Variants in CCDC146 observed in about 807,000 individuals in gnomAD.
CCDC146 encodes coiled-coil domain containing 146.
Under a neutral mutation model 119.3 loss-of-function variants are expected in CCDC146, and 92 were observed. The observed-to-expected ratio is 0.77, with a 90% CI of 0.65 to 0.92. CCDC146 has a LOEUF of 0.92. Ranked by LOEUF, CCDC146 falls within the 40% of genes least tolerant of loss-of-function variation. The pLI, the probability that CCDC146 is intolerant of heterozygous loss-of-function variation, is 0.00. For missense variants in CCDC146, 1,000 were observed against 1,103.0 expected, an observed-to-expected ratio of 0.91 and a Z score of 1.32; for synonymous variants, 372 against 371.8, an observed-to-expected ratio of 1.00 and a Z score of -0.01.
chr7:77,198,271 C>T (rs1791913710), intron 2 of CCDC146: 1 of 985,400 alleles, frequency 1.0e-6, no homozygotes, highest in African/African-American at 1.7e-5. Flanking sequence ...GATACTGTCT[C>T]TAAATGAAAG....
intron 17 of CCDC146, among the ~76,000 whole-genome samples, chr7:77,289,881 C>G (rs999353970): frequency 3.9e-5 from 6 of 152,224 alleles, no homozygotes; most frequent in African/African-American, 1.4e-4. Flanking sequence ...TGGTTGCCAT[C>G]CCATTACTGG....
intron 18 of CCDC146, 146 bp downstream of exon 18, chr7:77,293,346 T>G (rs1793985298): frequency 1.1e-6 from 1 of 902,262 alleles, no homozygotes; most frequent in Non-Finnish European, 1.7e-6. Flanking sequence ...ATTTAAGATA[T>G]TCTATGATAA....
intron 2 of CCDC146, among the ~76,000 whole-genome samples, chr7:77,212,620 C>CAAAA (rs11449217): frequency 6.2e-5 from 5 of 80,956 alleles, no homozygotes; most frequent in Non-Finnish European, 1.2e-4. Flanking sequence ...GACTCCGTCT[C>CAAAA]AAAAAAAAAA....
At chr7:77,294,463 GGTGTGTGTGTGTGTGTGTGTGTGT>G (rs61323999) in intron 18 of CCDC146, among the ~76,000 whole-genome samples, 176 bp from the exon 19 acceptor site, 32 of 134,312 alleles carry the variant, frequency 2.4e-4, no homozygotes, top group Admixed American at 1.7e-3. Context: ...ATGAGAGGTA[GGTGTGTGTGTGTGTGTGTGTGTGT>G]GTGTGTGTGT....
At chr7:77,258,788 C>T (rs1358476316) in intron 6 of CCDC146, among the ~76,000 whole-genome samples, 1 of 152,218 alleles carries the variant, frequency 6.6e-6, no homozygotes, top group African/African-American at 2.4e-5. Flanking sequence ...GTATTTGCTA[C>T]ACTCAGTTAC....
chr7:77,127,917 C>A (rs1790711887), intron 1 of CCDC146, among the ~76,000 whole-genome samples: 1 of 152,066 alleles, frequency 6.6e-6, no homozygotes, highest in African/African-American at 2.4e-5. Context: ...CCTTCCCAAT[C>A]TTTGCTAATC....
At chr7:77,251,303 T>G (rs949675090) in intron 4 of CCDC146, among the ~76,000 whole-genome samples, 3 of 152,190 alleles carry the variant, frequency 2.0e-5, no homozygotes, top group Non-Finnish European at 2.9e-5. Flanking sequence ...ATTACAGGCA[T>G]GAACCACCAT....
chr7:77,290,645 C>A (rs1793927400), intron 17 of CCDC146, among the ~76,000 whole-genome samples: 1 of 152,114 alleles, frequency 6.6e-6, no homozygotes. Flanking sequence ...GCCTAGAAGT[C>A]AAATAAAAAT....
At chr7:77,212,848 C>G (rs1291101311) in intron 2 of CCDC146, among the ~76,000 whole-genome samples, 1 of 151,664 alleles carries the variant, frequency 6.6e-6, no homozygotes, top group African/African-American at 2.4e-5. Flanking sequence ...GCCATTTGTC[C>G]CATAAATTTT....
At chr7:77,243,541 A>T (rs895976478) in intron 4 of CCDC146, among the ~76,000 whole-genome samples, 1 of 152,220 alleles carries the variant, frequency 6.6e-6, no homozygotes, top group Non-Finnish European at 1.5e-5. Flanking sequence ...TGCACCACAT[A>T]ATGGTGTTTC....
chr7:77,148,582 A>G (rs1212360336), intron 1 of CCDC146, among the ~76,000 whole-genome samples: 1 of 151,938 alleles, frequency 6.6e-6, no homozygotes, highest in African/African-American at 2.4e-5. Flanking sequence ...AGAAAACCCC[A>G]TCATCTCAGC....
intron 1 of CCDC146, among the ~76,000 whole-genome samples, chr7:77,157,094 T>G (rs1270393831): frequency 1.9e-5 from 2 of 107,796 alleles, no homozygotes; most frequent in Non-Finnish European, 3.6e-5. Context: ...TCTGAGTTCC[T>G]GTAGAAACAT....
chr7:77,189,631 A>G (rs1791728469), intron 2 of CCDC146, among the ~76,000 whole-genome samples: 1 of 151,922 alleles, frequency 6.6e-6, no homozygotes, highest in Non-Finnish European at 1.5e-5. Flanking sequence ...TACCACTCCT[A>G]TCCCTTGTTC....
At position 77,158,424 on chromosome 7, in the gene CCDC146, T is replaced by C. The variant is rs1409793612; in HGVS notation, c.-11-9234T>C. ...GAATATACTTTATTCTATTATTTTA[T>C]TTACAGCTGTCAATCATATTGCCTG... is the stretch of plus-strand genomic sequence containing the variant. On this transcript the variant is annotated intron_variant, in intron 1 of 18. Transcript: ENST00000285871. Among the ~76,000 whole-genome samples the C allele has an allele frequency of 3.9e-5, 6 of 152,146 alleles. No individual in the cohort carries two copies. In the South Asian group the frequency reaches 8.3e-4, roughly 21 times the overall value.
intron 17 of CCDC146, among the ~76,000 whole-genome samples, chr7:77,287,972 A>G (rs1009725228): frequency 6.6e-6 from 1 of 152,220 alleles, no homozygotes; most frequent in Admixed American, 6.5e-5. Context: ...GAACCCAGAA[A>G]TTGAAAGGGA....
intron 1 of CCDC146, among the ~76,000 whole-genome samples, chr7:77,162,447 A>G (rs545623415): frequency 2.6e-5 from 4 of 152,286 alleles, no homozygotes; most frequent in Admixed American, 1.3e-4. Context: ...ACTTGACTGT[A>G]TATGCATTGG....
At chr7:77,216,202 C>G (rs1429065431) in intron 2 of CCDC146, among the ~76,000 whole-genome samples, 1 of 151,950 alleles carries the variant, frequency 6.6e-6, no homozygotes, top group Non-Finnish European at 1.5e-5. Context: ...TGACCATTAT[C>G]TCTTAGTTTT....
At chr7:77,263,460 G>A (rs1189870269) in intron 9 of CCDC146, among the ~76,000 whole-genome samples, 1 of 152,168 alleles carries the variant, frequency 6.6e-6, no homozygotes, top group Non-Finnish European at 1.5e-5. Context: ...TTGGTAGTTC[G>A]AAGCCATGAT....
chr7:77,255,904 A>G (rs564608413), intron 5 of CCDC146, among the ~76,000 whole-genome samples: 14 of 152,346 alleles, frequency 9.2e-5, no homozygotes, highest in Non-Finnish European at 1.6e-4. Context: ...TTTAGTTCCC[A>G]TGTGACTCAG....
Sources: allele counts gnomAD v4.1 joint callset (sites outside exome capture counted in the v4.1 genomes callset), GRCh38; gene constraint gnomAD v4.1.1; transcripts MANE v1.5; gene names NCBI Gene and HGNC (gene_info 2026-07-23, HGNC 2026-07-21).